MON1B: variants seen among roughly 807,000 people sequenced by gnomAD.
MON1B encodes vacuolar fusion protein MON1 homolog B.
A neutral mutation model predicts 45.1 loss-of-function variants in MON1B; 26 were observed. The observed-to-expected ratio is 0.58, with a 90% CI of 0.42 to 0.80. The LOEUF (loss-of-function observed/expected upper bound fraction) is 0.80. MON1B is among the 30% of genes least tolerant of loss of function. The pLI, the probability that MON1B is intolerant of heterozygous loss-of-function variation, is 0.00. For missense variants in MON1B, 737 were observed against 754.5 expected, an observed-to-expected ratio of 0.98 and a Z score of 0.27; for synonymous variants, 395 against 320.2, an observed-to-expected ratio of 1.23 and a Z score of -2.49.
chr16:77,194,536 A>T lies in MON1B; in HGVS notation c.677A>T (p.Glu226Val). ...CTCCGCCGCCTGCTGGCTGGTTCAGAGCGCACACTGGACCGACTTCTGGAC... is the reference window on the plus strand; with the variant it reads ...CTCCGCCGCCTGCTGGCTGGTTCAGTGCGCACACTGGACCGACTTCTGGAC... ...YDLRRLLAGSERTLDRLLDSM... is the reference protein window; with the variant it reads ...YDLRRLLAGSVRTLDRLLDSM... The change falls in exon 4 of 6, where the codon GAG becomes GTG. Residue 226 changes from glutamate (E) to valine (V), a missense_variant. Transcript: ENST00000248248. This position sits in a 1 kb window ranked among gnomAD's most constrained non-coding sequence, Gnocchi z 8.1. 6.2e-7 allele frequency: 1 copy of T among 1,613,992 alleles called. No individual in the cohort carries two copies. Among genetic ancestry groups the T allele is most frequent in the East Asian group, 2.2e-5 (1 of 44,844 alleles).
At position 77,196,273 on chromosome 16, in the gene MON1B, T is replaced by C. The variant is rs75523863; in HGVS notation, c.1443+591T>C. Among the ~76,000 whole-genome samples the C allele has an allele frequency of 3.8e-3, 564 of 148,908 alleles. 3 individuals carry two copies. The highest frequency in any genetic ancestry group is 0.014 in the African/African-American group (545 of 40,158). On this transcript the variant is annotated intron_variant, in intron 5 of 5. Transcript: ENST00000248248. ...CGTGACTGCTGTGGATCAGGTATTG[T>C]CCTAGGCTAAGAATTTTGTTTTTAA...
In MON1B at chr16:77,200,298, A is replaced by ACT. The variant is rs2054724954; in HGVS notation, c.*1991_*1992dup. On this transcript the variant is annotated 3_prime_UTR_variant, in exon 6 of 6. Transcript: ENST00000248248. ...TGTATATATATATATATATACACAC[A>ACT]CTAATCAGCCGGGCGCGGTGGTGTG... 6.9e-6 allele frequency: 1 copy of ACT among 145,560 alleles called. No individual in the cohort carries two copies. The highest frequency in any genetic ancestry group is 1.5e-5 in the Non-Finnish European group (1 of 66,476). The allele number at this position is 145,560 out of a possible 1,614,324, so 9.0% of individuals were successfully genotyped here.
At position 77,191,251 on chromosome 16, in the gene MON1B, T is replaced by TA; in HGVS notation, c.-14dup. 2.0e-6 allele frequency: 3 copies of TA among 1,538,368 alleles called. No individual in the cohort carries two copies. The highest frequency in any genetic ancestry group is 2.4e-5 in the East Asian group (1 of 40,918). ...TATCCGGCCAATTGAGATTCGGAGTTAAAACAGGTGTTTGTATATCTCTAT... is the reference window on the plus strand; with the variant it reads ...TATCCGGCCAATTGAGATTCGGAGTTAAAAACAGGTGTTTGTATATCTCTAT... On this transcript the variant is annotated 5_prime_UTR_variant, in exon 1 of 6. Transcript: ENST00000248248.
rs774953462 is a variant in MON1B at position 77,195,665 on chromosome 16, G to C, written c.1426G>C (p.Glu476Gln). 2 of 1,614,134 alleles carry C rather than the reference G, an allele frequency of 1.2e-6. No individual in the cohort carries two copies. The highest frequency in any genetic ancestry group is 2.2e-5 in the East Asian group (1 of 44,852). ...CCTCATTTACCACGTGGCTGAGAAG[G>C]AGACACTACTGGCCTGGGTAAGTTG... is the stretch of plus-strand genomic sequence containing the variant. ...LRLIYHVAEK[E>Q]TLLAWVTSKF... Residue 476 changes from glutamate (E) to glutamine (Q), a missense_variant, in exon 5 of 6, where the codon GAG becomes CAG. Transcript: ENST00000248248.
rs1012798506 is a variant in MON1B at position 77,193,277 on chromosome 16, C to G, written c.149-174C>G. ...TTGGAACCTAAATGTTAGTGGAGAT[C>G]ATTGCGGGGTCCTAGGGCAGTCATC... On this transcript the variant is annotated intron_variant, in intron 2 of 5. Transcript: ENST00000248248. The surrounding 1 kb of genome is among the most constrained non-coding windows in gnomAD (Gnocchi z 5.0). Among the ~76,000 whole-genome samples, 8 of 152,000 alleles carry G rather than the reference C, an allele frequency of 5.3e-5. No homozygotes were observed. The highest frequency in any genetic ancestry group is 1.9e-4 in the African/African-American group (8 of 41,350).
Position 77,202,018 on chromosome 16 carries a change from G to T in MON1B, c.*3710G>T, listed in dbSNP as rs566873126. ...ACAAGGAATTTGGATTTTGGGAGTA[G>T]TGCAGAGGTAGAGGCATTTTTGTGA... is the stretch of plus-strand genomic sequence containing the variant. On this transcript the variant is annotated 3_prime_UTR_variant, in exon 6 of 6. Coordinates refer to ENST00000248248, the MANE Select transcript of MON1B (RefSeq NM_014940.4). 1 of 152,246 alleles carries T rather than the reference G, an allele frequency of 6.6e-6. No homozygotes were observed. Among genetic ancestry groups the T allele is most frequent in the South Asian group, 2.1e-4 (1 of 4,824 alleles). The allele number at this position is 152,246 out of a possible 1,614,324, so 9.4% of individuals were successfully genotyped here.
rs1358930799 is a variant in MON1B, at chr16:77,201,027, A to G, written c.*2719A>G. 6.6e-6 allele frequency: 1 copy of G among 152,196 alleles called. No individual in the cohort carries two copies. The highest frequency in any genetic ancestry group is 1.9e-4 in the East Asian group (1 of 5,188). 9.4% of individuals were successfully genotyped at this position (152,196 alleles called of 1,614,324 possible). On this transcript the variant is annotated 3_prime_UTR_variant, in exon 6 of 6. Coordinates refer to ENST00000248248, the MANE Select transcript of MON1B (RefSeq NM_014940.4). Reference sequence around the variant, plus strand: ...TGCATCCTGCCAGACCTACCCATACAGACATCAAAGTAATGATTATTGCTT... The same window carrying G: ...TGCATCCTGCCAGACCTACCCATACGGACATCAAAGTAATGATTATTGCTT...
Position 77,199,457 on chromosome 16 carries a change from G to T in MON1B, c.*1149G>T, listed in dbSNP as rs908248831. On this transcript the variant is annotated 3_prime_UTR_variant, in exon 6 of 6. Transcript: ENST00000248248. ...CGCAGGCCCCGCGTTGGAAAATGGC[G>T]GGGAAGCTGAAACCTCTGAATGTGG... 1.9e-6 allele frequency: 3 copies of T among 1,551,514 alleles called. No homozygotes were observed. The Admixed American group carries it at 5.9e-5, about 30-fold the overall frequency.
rs539265570 is a variant in MON1B, at chr16:77,201,646, G to A, written c.*3338G>A. ...TACGTAAGTGTATGGACCAGGAATG[G>A]TCACTGGAGTGTTGATGTAGGCACA... is the stretch of plus-strand genomic sequence containing the variant. On this transcript the variant is annotated 3_prime_UTR_variant, in exon 6 of 6. Transcript: ENST00000248248. 1 of 152,132 alleles carries A rather than the reference G, an allele frequency of 6.6e-6. No individual in the cohort carries two copies. Among genetic ancestry groups the A allele is most frequent in the Non-Finnish European group, 1.5e-5 (1 of 68,032 alleles). The allele number at this position is 152,132 out of a possible 1,614,324, so 9.4% of individuals were successfully genotyped here.
chr16:77,192,240 T>C (rs989576914), intron 2 of MON1B, among the ~76,000 whole-genome samples: 1 of 152,204 alleles, frequency 6.6e-6, no homozygotes, highest in East Asian at 1.9e-4. Context: ...GAAGGATCAG[T>C]GGACCTCACT....
At position 77,191,212 on chromosome 16, in the gene MON1B, C is replaced by A. The variant is rs1435996296; in HGVS notation, c.-57C>A. ...CGGAAGTGTGATGCCACCGCCGCTA[C>A]GGGGAAGTAATGGTATCCGGCCAAT... On this transcript the variant is annotated 5_prime_UTR_variant, in exon 1 of 6. Coordinates refer to ENST00000248248, the MANE Select transcript of MON1B (RefSeq NM_014940.4). 1 of 1,536,248 alleles carries A rather than the reference C, an allele frequency of 6.5e-7. No individual in the cohort carries two copies. The highest frequency in any genetic ancestry group is 8.7e-7 in the Non-Finnish European group (1 of 1,146,894).
rs779027212 is a variant in MON1B, at chr16:77,193,394, G to T, written c.149-57G>T. 1 of 1,474,700 alleles carries T rather than the reference G, an allele frequency of 6.8e-7. No homozygotes were observed. Among genetic ancestry groups the T allele is most frequent in the Non-Finnish European group, 9.1e-7 (1 of 1,094,420 alleles). The allele number at this position is 1,474,700 out of a possible 1,614,324, so 91.4% of individuals were successfully genotyped here. A position where few individuals can be genotyped will look rare whatever the true frequency, so the allele number is the denominator to read the frequency against. On this transcript the variant is annotated intron_variant, in intron 2 of 5. Coordinates refer to ENST00000248248, the MANE Select transcript of MON1B (RefSeq NM_014940.4). The surrounding 1 kb of genome is among the most constrained non-coding windows in gnomAD (Gnocchi z 5.0). The stretch of plus-strand genomic sequence containing the variant: ...AGTAGATATTTGGTGGGTCCTTGGG[G>T]ATGTGGGATTAGTTAGGAGTTCACA...
Position 77,200,170 on chromosome 16 carries a change from AAAAC to A in MON1B, c.*1863_*1866del, listed in dbSNP as rs2054716643. ...CATGGTGAAACACCATCTCTACTAAAAAACTATATATACATATACATATGTGTGT... is the reference window on the plus strand; with the variant it reads ...CATGGTGAAACACCATCTCTACTAAATATATATACATATACATATGTGTGT... On this transcript the variant is annotated 3_prime_UTR_variant, in exon 6 of 6. Coordinates refer to ENST00000248248, the MANE Select transcript of MON1B (RefSeq NM_014940.4). 1 of 150,424 alleles carries A rather than the reference AAAAC, an allele frequency of 6.6e-6. No homozygotes were observed. The highest frequency in any genetic ancestry group is 2.4e-5 in the African/African-American group (1 of 40,874). 9.3% of individuals were successfully genotyped at this position (150,424 alleles called of 1,614,324 possible). A position where few individuals can be genotyped will look rare whatever the true frequency, so the allele number is the denominator to read the frequency against.
chr16:77,194,541 A>C lies in MON1B; in HGVS notation c.682A>C (p.Thr228Pro). Residue 228 changes from threonine (T) to proline (P), a missense_variant, in exon 4 of 6, where the codon ACA (threonine) becomes CCA (proline). Coordinates refer to ENST00000248248, the MANE Select transcript of MON1B (RefSeq NM_014940.4). The surrounding 1 kb of genome is among the most constrained non-coding windows in gnomAD (Gnocchi z 8.1). ...LRRLLAGSER[T>P]LDRLLDSMEQ... is the part of the protein sequence containing the mutation. Reference sequence around the variant, plus strand: ...CCGCCTGCTGGCTGGTTCAGAGCGCACACTGGACCGACTTCTGGACAGTAT... The same window carrying C: ...CCGCCTGCTGGCTGGTTCAGAGCGCCCACTGGACCGACTTCTGGACAGTAT... 3 of 1,614,030 alleles carry C rather than the reference A, an allele frequency of 1.9e-6. No individual in the cohort carries two copies. The highest frequency in any genetic ancestry group is 2.5e-6 in the Non-Finnish European group (3 of 1,180,028).
In MON1B at chr16:77,198,634, C is replaced by A. The variant is rs1169982307; in HGVS notation, c.*326C>A. 1 of 364,994 alleles carries A rather than the reference C, an allele frequency of 2.7e-6. No homozygotes were observed. The highest frequency in any genetic ancestry group is 4.2e-5 in the Admixed American group (1 of 23,746). The allele number at this position is 364,994 out of a possible 1,614,324, so 22.6% of individuals were successfully genotyped here. ...CCTCCAAACTTGCTTCCGTGGTCTG[C>A]CTCCTAGTTGAATCTCAGCCCTGAG... On this transcript the variant is annotated 3_prime_UTR_variant, in exon 6 of 6. Transcript: ENST00000248248.
rs2054750358 is a variant in MON1B at position 77,202,196 on chromosome 16, G to A, written c.*3888G>A. On this transcript the variant is annotated 3_prime_UTR_variant, in exon 6 of 6. Transcript: ENST00000248248. ...ATCCAGGTTTTGATTGTTGTACTAT[G>A]GTTACCTGGTAGATTCCCTTTGTAT... The A allele has an allele frequency of 6.6e-6, 1 of 152,132 alleles. No individual in the cohort carries two copies. The highest frequency in any genetic ancestry group is 6.5e-5 in the Admixed American group (1 of 15,270). The allele number at this position is 152,132 out of a possible 1,614,324, so 9.4% of individuals were successfully genotyped here.
rs771040200 is a variant in MON1B, at chr16:77,195,099, C to T, written c.1240C>T (p.Leu414=). The change falls in exon 4 of 6, where the codon CTG becomes TTG. Residue 414 remains leucine (L), a synonymous_variant. Coordinates refer to ENST00000248248, the MANE Select transcript of MON1B (RefSeq NM_014940.4). ...CGGGGCGCCGGGCCTCCGGCACTTC[C>T]TGTATAAGCCGCTGGACATCCCTGA... is the stretch of plus-strand genomic sequence containing the variant. The part of the protein sequence containing the change: ...AVGAPGLRHF[L]YKPLDIPDHH... The T allele has an allele frequency of 3.7e-6, 6 of 1,601,344 alleles. No individual in the cohort carries two copies. The Admixed American group carries it at 8.3e-5, about 22-fold the overall frequency.
At chr16:77,192,533 G>C (rs1334357435) in intron 2 of MON1B, among the ~76,000 whole-genome samples, 3 of 152,130 alleles carry the variant, frequency 2.0e-5, no homozygotes, top group African/African-American at 7.2e-5. Flanking sequence ...GATGGTCATG[G>C]GTAGGGGCAA....
At position 77,191,451 on chromosome 16, in the gene MON1B, C is replaced by T. The variant is rs574343861; in HGVS notation, c.-10-25C>T. The T allele has an allele frequency of 2.0e-4, 322 of 1,582,144 alleles. 1 individual carries two copies. The South Asian group carries it at 3.6e-3, about 18-fold the overall frequency. On this transcript the variant is annotated intron_variant, in intron 1 of 5. Transcript: ENST00000248248. The stretch of plus-strand genomic sequence containing the variant: ...TTCAGAAGTTTCTTTCACCGCCCGT[C>T]ACCCTCGATTCCCCTCCCACTCAGG...
Sources: gnomAD v4.1 joint callset for allele counts (sites outside exome capture counted in the v4.1 genomes callset) on GRCh38, gnomAD v4.1.1 for gene constraint, Gnocchi (gnomAD v3.1) non-coding constraint, MANE v1.5 for transcripts, NCBI Gene and HGNC (gene_info 2026-07-23, HGNC 2026-07-21) for gene names.